Variants in DTNB observed in about 807,000 individuals in gnomAD.
The protein encoded by DTNB is DTN-B.
In DTNB, 63 loss-of-function variants were observed where a neutral mutation model predicts 90.7. The observed-to-expected ratio is 0.69, with a 90% CI of 0.57 to 0.86. DTNB has a LOEUF of 0.86. DTNB is among the 40% of genes least tolerant of loss of function. DTNB has a pLI of 0.00. For synonymous variants in DTNB, 277 were observed against 286.7 expected (o/e 0.97, Z 0.34); for missense variants, 744 against 807.1 (o/e 0.92, Z 0.95).
At chr2:25,633,194 C>T (rs1559319742) in intron 3 of DTNB, among the ~76,000 whole-genome samples, 1 of 151,960 alleles carries the variant, frequency 6.6e-6, no homozygotes, top group Non-Finnish European at 1.5e-5. Context: ...TCTCTTTCCA[C>T]GGTCTCCCTC....
At chr2:25,547,103 C>T (rs1469019350) in intron 8 of DTNB, among the ~76,000 whole-genome samples, 1 of 152,132 alleles carries the variant, frequency 6.6e-6, no homozygotes, top group Admixed American at 6.5e-5. Context: ...CCCGCCTTGA[C>T]CTGCCAGAGT....
chr2:25,655,492 C>A lies in DTNB; in HGVS notation c.-1-2831G>T, dbSNP rs149429098. 6.1e-3 allele frequency among the ~76,000 whole-genome samples: 925 copies of A among 152,236 alleles called. 8 individuals are homozygous for A. Among genetic ancestry groups the A allele is most frequent in the Non-Finnish European group, 0.01 (695 of 68,016 alleles). The stretch of plus-strand genomic sequence containing the variant: ...AAGAACTGGAAGAACATACCTGGAT[C>A]TTGAGACTACTGAACTTGGTGGTCA... On this transcript the variant is annotated intron_variant, in intron 1 of 20. Coordinates refer to ENST00000406818, the MANE Select transcript of DTNB (RefSeq NM_021907.5).
At chr2:25,438,237 C>A (rs1296595605) in intron 12 of DTNB, among the ~76,000 whole-genome samples, 4 of 152,132 alleles carry the variant, frequency 2.6e-5, no homozygotes, top group Non-Finnish European at 5.9e-5. Context: ...CTGGGCCACA[C>A]TGGAAGAACT....
intron 16 of DTNB, among the ~76,000 whole-genome samples, chr2:25,406,585 T>G (rs1403224207): frequency 6.7e-6 from 1 of 149,234 alleles, no homozygotes; most frequent in East Asian, 2.0e-4. Context: ...TTGGCCAACA[T>G]AGTGAAATCC....
intron 4 of DTNB, among the ~76,000 whole-genome samples, chr2:25,607,884 T>C (rs755423887): frequency 6.6e-6 from 1 of 152,218 alleles, no homozygotes; most frequent in Non-Finnish European, 1.5e-5. Flanking sequence ...AATACACCAC[T>C]GTAAGAAAAG....
At chr2:25,655,358 T>C (rs545202162) in intron 1 of DTNB, among the ~76,000 whole-genome samples, 32 of 152,296 alleles carry the variant, frequency 2.1e-4, no homozygotes, top group African/African-American at 6.5e-4. Flanking sequence ...ACCTCCCTCA[T>C]TGCTTCTAGG....
At chr2:25,532,557 G>C (rs956679435) in intron 8 of DTNB, among the ~76,000 whole-genome samples, 17 of 152,168 alleles carry the variant, frequency 1.1e-4, no homozygotes, top group African/African-American at 4.1e-4. Flanking sequence ...CCAAGTCTAA[G>C]ATTTAATCAT....
intron 11 of DTNB, among the ~76,000 whole-genome samples, chr2:25,452,049 A>T (rs555610560): frequency 6.6e-6 from 1 of 152,382 alleles, no homozygotes; most frequent in Non-Finnish European, 1.5e-5. Context: ...AAATATACTT[A>T]ACACTGGCTA....
At chr2:25,386,229 G>A (rs1475065682) in intron 18 of DTNB, 2 of 486,494 alleles carry the variant, frequency 4.1e-6, no homozygotes, top group Non-Finnish European at 5.4e-6. Context: ...AGGCAGACTT[G>A]AGAGCAGAGC....
intron 2 of DTNB, among the ~76,000 whole-genome samples, chr2:25,649,125 C>T (rs2080234971): frequency 1.3e-5 from 2 of 151,564 alleles, no homozygotes; most frequent in Admixed American, 1.3e-4. Flanking sequence ...CTGCCTCAGC[C>T]TCCCAAGTAG....
At chr2:25,667,778 G>A (rs903296161) in intron 1 of DTNB, among the ~76,000 whole-genome samples, 1 of 152,138 alleles carries the variant, frequency 6.6e-6, no homozygotes, top group Admixed American at 6.5e-5. Flanking sequence ...ATTTTCCCAA[G>A]TGAGTTACAA....
intron 10 of DTNB, among the ~76,000 whole-genome samples, chr2:25,481,413 A>G (rs2064940182): frequency 6.7e-6 from 1 of 150,116 alleles, no homozygotes; most frequent in African/African-American, 2.4e-5. Flanking sequence ...TCCAAATTTA[A>G]AAAAAAAAAA....
intron 12 of DTNB, among the ~76,000 whole-genome samples, chr2:25,450,395 CT>C (rs996364971): frequency 6.6e-6 from 1 of 152,100 alleles, no homozygotes; most frequent in Non-Finnish European, 1.5e-5. Context: ...TATTCTGTTC[CT>C]TTGATTTATT....
intron 3 of DTNB, among the ~76,000 whole-genome samples, chr2:25,631,062 G>A (rs956490473): frequency 6.6e-6 from 1 of 152,070 alleles, no homozygotes; most frequent in Non-Finnish European, 1.5e-5. Context: ...AAGGGAATGT[G>A]GAGTGACTGT....
chr2:25,608,149 T>C (rs976882197), intron 4 of DTNB, among the ~76,000 whole-genome samples: 4 of 152,224 alleles, frequency 2.6e-5, no homozygotes, highest in African/African-American at 9.6e-5. Flanking sequence ...TTTGTGTTAA[T>C]TTTTAAAAGC....
chr2:25,647,784 A>T (rs761595015), intron 2 of DTNB, among the ~76,000 whole-genome samples: 6 of 152,086 alleles, frequency 3.9e-5, no homozygotes, highest in Non-Finnish European at 7.4e-5. Flanking sequence ...AAATTAGAGG[A>T]AATAGAGAAC....
chr2:25,488,255 G>C (rs533853202), intron 9 of DTNB, among the ~76,000 whole-genome samples: 25 of 152,284 alleles, frequency 1.6e-4, no homozygotes, highest in African/African-American at 5.8e-4. Flanking sequence ...CAAGAGAAAA[G>C]GAAAGCTATT....
intron 16 of DTNB, among the ~76,000 whole-genome samples, chr2:25,409,327 C>T (rs78578368): frequency 0.015 from 2,255 of 152,250 alleles, 56 homozygotes; most frequent in African/African-American, 0.05. Flanking sequence ...AGCCTTTCTC[C>T]AGAGTACCAA....
intron 16 of DTNB, among the ~76,000 whole-genome samples, chr2:25,390,008 T>A (rs981397900): frequency 4.6e-5 from 7 of 152,158 alleles, no homozygotes; most frequent in African/African-American, 1.7e-4. Context: ...GCAGAAAAAT[T>A]TGCAATATTT....
Sources: gnomAD v4.1 joint callset for allele counts (sites outside exome capture counted in the v4.1 genomes callset) on GRCh38, gnomAD v4.1.1 for gene constraint, MANE v1.5 for transcripts, NCBI Gene and HGNC (gene_info 2026-07-23, HGNC 2026-07-21) for gene names.